Variants in PRDM1 observed in about 807,000 individuals in gnomAD.
PRDM1 encodes the protein PR domain zinc finger protein 1.
Under a neutral mutation model 62.8 loss-of-function variants are expected in PRDM1, and 13 were observed. The observed-to-expected ratio is 0.21, with a 90% CI of 0.13 to 0.33. PRDM1 has a LOEUF of 0.33. Ranked by LOEUF, PRDM1 falls within the 10% of genes least tolerant of loss-of-function variation. The pLI is 1.00. For synonymous variants in PRDM1, 396 were observed against 417.6 expected, an observed-to-expected ratio of 0.95 and a Z score of 0.63; for missense variants, 895 against 1,058.8, an observed-to-expected ratio of 0.85 and a Z score of 2.15.
In PRDM1 at chr6:106,004,276, G is replaced by A. The variant is rs531589228; in HGVS notation, c.-67+10637G>A. Reference sequence around the variant, plus strand: ...GATGGAATGTGTGCATCTATCCATGGATACGATAAATGTGAGCTATTGAGG... The same window carrying A: ...GATGGAATGTGTGCATCTATCCATGAATACGATAAATGTGAGCTATTGAGG... On this transcript the variant is annotated intron_variant, in intron 1 of 6. Coordinates refer to the PRDM1 transcript ENST00000652320. 1.3e-4 allele frequency among the ~76,000 whole-genome samples: 20 copies of A among 151,836 alleles called. No homozygotes were observed. In the South Asian group the frequency reaches 3.7e-3, roughly 28 times the overall value.
At chr6:106,098,702 C>T in intron 3 of PRDM1, 1 of 1,379,278 alleles carries the variant, frequency 7.3e-7, no homozygotes, top group Non-Finnish European at 9.6e-7. Context: ...CTTTGCCCCA[C>T]CCAGTGTTTC....
At chr6:106,101,092 G>A (rs187395269) in intron 4 of PRDM1, among the ~76,000 whole-genome samples, 9 of 152,206 alleles carry the variant, frequency 5.9e-5, no homozygotes, top group Admixed American at 2.0e-4. Flanking sequence ...TGTGGAACTC[G>A]TATTCCAGCT....
chr6:106,072,364 C>G (rs1015958330), intron 1 of PRDM1, among the ~76,000 whole-genome samples: 86 of 152,228 alleles, frequency 5.6e-4, no homozygotes, highest in African/African-American at 2.0e-3. Context: ...TGAGGTAGCT[C>G]TGGGAATCGT....
intron 1 of PRDM1, among the ~76,000 whole-genome samples, chr6:106,073,790 A>G (rs1463225022): frequency 6.6e-6 from 1 of 152,242 alleles, no homozygotes; most frequent in East Asian, 1.9e-4. Flanking sequence ...TGCAGGTCCC[A>G]CATCCTCATC....
intron 1 of PRDM1, among the ~76,000 whole-genome samples, chr6:106,015,792 T>C (rs1424523894): frequency 6.6e-6 from 1 of 152,168 alleles, no homozygotes; most frequent in Non-Finnish European, 1.5e-5. Flanking sequence ...TCTTTTTTTT[T>C]TGCAGGGAGT....
chr6:106,072,849 C>T (rs9384599), intron 1 of PRDM1, among the ~76,000 whole-genome samples: 61,441 of 152,020 alleles, frequency 0.4, 14,206 homozygotes, highest in African/African-American at 0.64. Context: ...GGGAACCTTA[C>T]GCCAGTAGGC....
intron 1 of PRDM1, 86 bp downstream of exon 1, chr6:106,086,681 T>A (rs746135677): frequency 2.4e-4 from 311 of 1,295,090 alleles, no homozygotes; most frequent in Non-Finnish European, 2.9e-4. Context: ...TATTATTAAT[T>A]TTTTTTGGCT....
intron 1 of PRDM1, among the ~76,000 whole-genome samples, chr6:106,017,684 A>T (rs1174187513): frequency 6.6e-6 from 1 of 152,230 alleles, no homozygotes; most frequent in Non-Finnish European, 1.5e-5. Flanking sequence ...CAAACTGAAC[A>T]ATCCCCATTT....
chr6:106,107,244 G>A lies in PRDM1; in HGVS notation c.2236G>A (p.Glu746Lys), dbSNP rs1774519814. Residue 746 changes from glutamate (E) to lysine (K), a missense_variant, in exon 7 of 7, where the codon GAG (glutamate) becomes AAG (lysine). By Grantham distance (56) the Glu-to-Lys change is moderately conservative. Coordinates refer to ENST00000369096, the MANE Select transcript of PRDM1 (RefSeq NM_001198.4). ...CAATGCTGACCGGCTCGAGGACGTG[G>A]AGGATGACATCAGTGTGATCTCTGT... The part of the protein sequence containing the change: ...SDNADRLEDV[E>K]DDISVISVVE... 3 of 1,614,106 alleles carry A rather than the reference G, an allele frequency of 1.9e-6. No individual in the cohort carries two copies. The highest frequency in any genetic ancestry group is 1.7e-6 in the Non-Finnish European group (2 of 1,180,054).
In PRDM1 at chr6:106,099,569, A is replaced by T; in HGVS notation, c.664+17A>T. The T allele has an allele frequency of 6.2e-7, 1 of 1,611,202 alleles. No individual in the cohort carries two copies. Among genetic ancestry groups the T allele is most frequent in the Non-Finnish European group, 8.5e-7 (1 of 1,178,128 alleles). On this transcript the variant is annotated intron_variant, in intron 4 of 6. Transcript: ENST00000369096. Reference sequence around the variant, plus strand: ...TGAATCTCAGTAAGTGGATTACAGAACAAAAAAATAAAAAATGCCAGTAAT... The same window carrying T: ...TGAATCTCAGTAAGTGGATTACAGATCAAAAAAATAAAAAATGCCAGTAAT...
At chr6:105,999,842 C>A (rs953218905) in intron 1 of PRDM1, among the ~76,000 whole-genome samples, 2 of 152,032 alleles carry the variant, frequency 1.3e-5, no homozygotes, top group Non-Finnish European at 1.5e-5. Flanking sequence ...AGTATGTGAC[C>A]TTCCTTTATC....
intron 1 of PRDM1, among the ~76,000 whole-genome samples, chr6:106,049,044 G>C (rs191767246): frequency 2.2e-4 from 33 of 152,216 alleles, no homozygotes; most frequent in Admixed American, 8.5e-4. Context: ...TCGAACTCCT[G>C]GCCTCAAGTG....
chr6:106,043,668 T>G (rs1332087280), upstream of PRDM1, among the ~76,000 whole-genome samples: 1 of 152,136 alleles, frequency 6.6e-6, no homozygotes, highest in African/African-American at 2.4e-5. Context: ...CCCGAGTAGC[T>G]GGGATTACAG....
chr6:106,104,770 T>C (rs1774393047), intron 4 of PRDM1, 55 bp from the exon 5 acceptor site: 1 of 1,530,072 alleles, frequency 6.5e-7, no homozygotes, highest in Admixed American at 2.2e-5. Flanking sequence ...CTTTGGCAGT[T>C]TTGCTTCAGT....
chr6:106,017,918 C>T (rs948966877), intron 1 of PRDM1, among the ~76,000 whole-genome samples: 3 of 152,082 alleles, frequency 2.0e-5, no homozygotes, highest in Non-Finnish European at 1.5e-5. Context: ...AAACGTGTGC[C>T]TCTGGCTTTT....
chr6:106,043,032 G>A (rs1235715703), intron 1 of PRDM1, among the ~76,000 whole-genome samples: 3 of 152,036 alleles, frequency 2.0e-5, no homozygotes, highest in African/African-American at 4.8e-5. Flanking sequence ...TGTATTTTTA[G>A]TAGAGACAGG....
chr6:106,084,302 G>A (rs1773748850), upstream of PRDM1, among the ~76,000 whole-genome samples: 1 of 152,140 alleles, frequency 6.6e-6, no homozygotes, highest in Non-Finnish European at 1.5e-5. Flanking sequence ...TTTTAGGGTT[G>A]CCTGGCTAAG....
chr6:106,068,983 G>T (rs1287897253), intron 1 of PRDM1, among the ~76,000 whole-genome samples: 4 of 152,124 alleles, frequency 2.6e-5, no homozygotes, highest in East Asian at 1.9e-4. Context: ...GTGCCTGATG[G>T]TCTATCTAGT....
At chr6:106,044,404 C>G (rs569020798), upstream of PRDM1, among the ~76,000 whole-genome samples, 22 of 152,166 alleles carry the variant, frequency 1.4e-4, no homozygotes, top group East Asian at 3.9e-4. Flanking sequence ...TAATAAATCA[C>G]TTAGTACTTT....
Sources: allele counts gnomAD v4.1 joint callset (sites outside exome capture counted in the v4.1 genomes callset), GRCh38; gene constraint gnomAD v4.1.1; transcripts MANE v1.5; gene names NCBI Gene and HGNC (gene_info 2026-07-23, HGNC 2026-07-21).